POLRMT: variants seen among roughly 807,000 people sequenced by gnomAD.
POLRMT encodes RNA polymerase mitochondrial.
Under a neutral mutation model 132.2 loss-of-function variants are expected in POLRMT, and 114 were observed. The observed-to-expected ratio is 0.86, with a 90% CI of 0.74 to 1.01. The LOEUF is 1.01. POLRMT is among the 50% of genes least tolerant of loss of function. The pLI, the probability that POLRMT is intolerant of heterozygous loss-of-function variation, is 0.00. For missense variants in POLRMT, 2,003 were observed against 1,729.1 expected (o/e 1.16, Z -2.81); for synonymous variants, 1,020 against 773.4 (o/e 1.32, Z -5.29).
At chr19:617,398 C>T (rs1018026176) in intron 20 of POLRMT, 21 bp downstream of exon 20, 14 of 1,612,136 alleles carry the variant, frequency 8.7e-6, no homozygotes, top group African/African-American at 2.7e-5. Context: ...GCCACCCTTG[C>T]GAGGCTGCCC....
chr19:627,640 C>G (rs943710564), intron 3 of POLRMT, among the ~76,000 whole-genome samples: 1 of 151,682 alleles, frequency 6.6e-6, no homozygotes, highest in Non-Finnish European at 1.5e-5. Context: ...GGTTAGAATA[C>G]GTGGCCGGGC....
Position 617,924 on chromosome 19 carries a change from G to A in POLRMT, c.3423-75C>T, listed in dbSNP as rs41563414. The A allele has an allele frequency of 1.7e-4, 240 of 1,401,666 alleles. 1 individual carries two copies. The highest frequency in any genetic ancestry group is 8.8e-4 in the Middle Eastern group (5 of 5,686). 86.8% of individuals were successfully genotyped at this position (1,401,666 alleles called of 1,614,324 possible). On this transcript the variant is annotated intron_variant, in intron 17 of 20. Transcript: ENST00000588649. ...CCAGTGACCAGCATCCTGGCCCTGC[G>A]CTCAGCCCCCTCCACTTGAGGTCCA...
Position 632,617 on chromosome 19 carries a change from A to C in POLRMT, c.193+217T>G, listed in dbSNP as rs73503954. Among the ~76,000 whole-genome samples, 1,443 of 150,422 alleles carry C rather than the reference A, an allele frequency of 9.6e-3. 16 individuals carry two copies. The highest frequency in any genetic ancestry group is 0.034 in the African/African-American group (1,385 of 40,664). On this transcript the variant is annotated intron_variant, in intron 2 of 20. Transcript: ENST00000588649. Reference sequence around the variant, plus strand: ...GGGAGCACCTGGTGGGGTTCTGGGGAGGGGGAATTACGAGAGCTCCAGGAA... The same window carrying C: ...GGGAGCACCTGGTGGGGTTCTGGGGCGGGGGAATTACGAGAGCTCCAGGAA...
intron 3 of POLRMT, among the ~76,000 whole-genome samples, chr19:626,255 G>A (rs544076956): frequency 2.0e-5 from 3 of 150,558 alleles, no homozygotes; most frequent in East Asian, 2.0e-4. Flanking sequence ...GGGTTCAACC[G>A]ATTCTCCTGC....
Position 621,327 on chromosome 19 carries a change from C to A in POLRMT, c.2371G>T (p.Asp791Tyr), listed in dbSNP as rs1337226212. 1.3e-5 allele frequency: 21 copies of A among 1,593,046 alleles called. No homozygotes were observed. The highest frequency in any genetic ancestry group is 2.7e-5 in the African/African-American group (2 of 74,580). Residue 791 changes from aspartate (D) to tyrosine (Y), a missense_variant, in exon 10 of 21, where the codon GAC becomes TAC. Coordinates refer to ENST00000588649, the MANE Select transcript of POLRMT (RefSeq NM_005035.4). ...TTGTGCGGCAGCCAGAAGACGCGGT[C>A]CCGCAGGTGCTGCGCCAGCGAGAGG... ...YRLSLAQHLR[D>Y]RVFWLPHNMD...
chr19:618,547 G>C lies in POLRMT; in HGVS notation c.3363C>G (p.Pro1121=). 6.2e-7 allele frequency: 1 copy of C among 1,613,434 alleles called. No homozygotes were observed. Among genetic ancestry groups the C allele is most frequent in the Non-Finnish European group, 8.5e-7 (1 of 1,179,604 alleles). ...AGGAGTCCAGCGAGTGGATGAAGTT[G>C]GGCGGGAAGCCGTTCTTCTGCTTAC... ...NTRKQKNGFP[P]NFIHSLDSSH... Residue 1121 remains proline (P), a synonymous_variant, in exon 17 of 21, where the codon CCC becomes CCG. Coordinates refer to ENST00000588649, the MANE Select transcript of POLRMT (RefSeq NM_005035.4).
At chr19:619,406 G>A (rs527373742) in intron 13 of POLRMT, 110 bp from the exon 14 acceptor site, 6 of 1,396,682 alleles carry the variant, frequency 4.3e-6, no homozygotes, top group Middle Eastern at 5.0e-4. Context: ...TAGCAGGGGG[G>A]CAGGGGAATG....
chr19:628,476 T>G (rs112309956), intron 3 of POLRMT, among the ~76,000 whole-genome samples: 1 of 152,360 alleles, frequency 6.6e-6, no homozygotes, highest in South Asian at 2.1e-4. Context: ...TGAATTTCGC[T>G]GTTTGATGCG....
chr19:619,824 A>G (rs1984363196), intron 12 of POLRMT, 59 bp from the exon 13 acceptor site: 1 of 1,549,818 alleles, frequency 6.5e-7, no homozygotes, highest in African/African-American at 1.4e-5. Context: ...AGGGGCCACC[A>G]AGCACCCATG....
At position 624,935 on chromosome 19, in the gene POLRMT, G is replaced by C. The variant is rs56138528; in HGVS notation, c.954-30C>G. On this transcript the variant is annotated intron_variant, in intron 4 of 20. Transcript: ENST00000588649. Reference sequence around the variant, plus strand: ...GGTGCAGGCGGCCTGCTCGAGGGACGGGCCAGCCCCACGCTGGGCTTCCAC... The same window carrying C: ...GGTGCAGGCGGCCTGCTCGAGGGACCGGCCAGCCCCACGCTGGGCTTCCAC... The C allele has an allele frequency of 1.3e-5, 21 of 1,583,672 alleles. No individual in the cohort carries two copies. The East Asian group carries it at 1.8e-4, about 14-fold the overall frequency.
At position 624,899 on chromosome 19, in the gene POLRMT, C is replaced by T; in HGVS notation, c.960G>A (p.Leu320=). 3 of 1,609,634 alleles carry T rather than the reference C, an allele frequency of 1.9e-6. No individual in the cohort carries two copies. The highest frequency in any genetic ancestry group is 2.5e-6 in the Non-Finnish European group (3 of 1,177,684). ...TCAGCCCCTCCTGGCTCATCTGTTCCAGACACCTGTGGTGCAGGCGGCCTG... is the reference window on the plus strand; with the variant it reads ...TCAGCCCCTCCTGGCTCATCTGTTCTAGACACCTGTGGTGCAGGCGGCCTG... ...DQDAGTIERC[L]EQMSQEGLKL... The change falls in exon 5 of 21, where the codon CTG becomes CTA. Residue 320 remains leucine, a synonymous_variant. Coordinates refer to ENST00000588649, the MANE Select transcript of POLRMT (RefSeq NM_005035.4).
intron 3 of POLRMT, 102 bp downstream of exon 3, chr19:629,438 G>C (rs2283576): frequency 0.18 from 205,472 of 1,150,430 alleles, 19,328 homozygotes; most frequent in South Asian, 0.3. Flanking sequence ...AAAAACAAAG[G>C]ACTTGAACCT....
chr19:617,355 G>A (rs761451460), intron 20 of POLRMT, 32 bp from the exon 21 acceptor site: 8 of 1,612,522 alleles, frequency 5.0e-6, no homozygotes, highest in Admixed American at 3.3e-5. Context: ...CGGCGTGGGT[G>A]GCGGGAAAGC....
At position 633,517 on chromosome 19, in the gene POLRMT, C is replaced by G. The variant is rs576732820; in HGVS notation, c.-5G>C. The G allele has an allele frequency of 6.6e-7, 1 of 1,509,350 alleles. No individual in the cohort carries two copies. 93.5% of individuals were successfully genotyped at this position (1,509,350 alleles called of 1,614,324 possible). A position where few individuals can be genotyped will look rare whatever the true frequency, so the allele number is the denominator to read the frequency against. ...GCCCCAGCAAAGTGCCGACATTACG[C>G]ACGCCGCTCCAGGCCACCCCACCGG... On this transcript the variant is annotated 5_prime_UTR_variant, in exon 1 of 21. Transcript: ENST00000588649.
At chr19:619,512 G>T in intron 13 of POLRMT, 74 bp downstream of exon 13, 1 of 1,570,926 alleles carries the variant, frequency 6.4e-7, no homozygotes. Context: ...GGGAGGCTGG[G>T]TCGGGGGCAC....
At chr19:620,340 C>T (rs780006199) in intron 11 of POLRMT, 25 bp downstream of exon 11, 25 of 1,549,752 alleles carry the variant, frequency 1.6e-5, no homozygotes, top group South Asian at 4.8e-5. Context: ...TGCACGGCCT[C>T]GGGGGCCAGA....
In POLRMT at chr19:621,079, G is replaced by T. The variant is rs200399941; in HGVS notation, c.2619C>A (p.Asp873Glu). ...CTACCGTCAAGGGTTGGTCCGCGGAGTCCAGGATGTCATCCATCACCTCCT... is the reference window on the plus strand; with the variant it reads ...CTACCGTCAAGGGTTGGTCCGCGGATTCCAGGATGTCATCCATCACCTCCT... The part of the protein sequence containing the change: ...FAEEVMDDIL[D>E]SADQPLTGRK... Residue 873 changes from aspartate (D) to glutamate (E), a missense_variant, in exon 10 of 21, where the codon GAC becomes GAA. By Grantham distance (45) the Asp-to-Glu change is conservative. Transcript: ENST00000588649. 6.2e-7 allele frequency: 1 copy of T among 1,605,828 alleles called. No homozygotes were observed. Among genetic ancestry groups the T allele is most frequent in the Non-Finnish European group, 8.5e-7 (1 of 1,177,366 alleles).
intron 15 of POLRMT, 42 bp from the exon 16 acceptor site, chr19:618,802 G>C (rs779872652): frequency 2.1e-5 from 32 of 1,554,986 alleles, no homozygotes; most frequent in Non-Finnish European, 2.8e-5. Context: ...CCGAGGCCCA[G>C]CACGGTGGTG....
chr19:622,157 C>T lies in POLRMT; in HGVS notation c.1843G>A (p.Val615Ile), dbSNP rs1004280262. 8.4e-6 allele frequency: 13 copies of T among 1,555,808 alleles called. No homozygotes were observed. Among genetic ancestry groups the T allele is most frequent in the South Asian group, 3.5e-5 (3 of 85,774 alleles). Residue 615 changes from valine to isoleucine, a missense_variant, in exon 9 of 21, where the codon GTC becomes ATC. By Grantham distance (29) the Val-to-Ile change is conservative. Transcript: ENST00000588649. ...VLYHVYSFRNVQQIGILKPHP... is the reference protein window; with the variant it reads ...VLYHVYSFRNIQQIGILKPHP... ...AGGGCACTGCCTGGCACCTGCTGGA[C>T]GTTGCGGAAGGAATACACGTGGTAG...
Sources: allele counts gnomAD v4.1 joint callset (sites outside exome capture counted in the v4.1 genomes callset), GRCh38; gene constraint gnomAD v4.1.1; transcripts MANE v1.5; gene names NCBI Gene and HGNC (gene_info 2026-07-23, HGNC 2026-07-21).